Variants in EPN2 observed in about 807,000 individuals in gnomAD.
EPN2 encodes epsin-2.
EPN2 carries 34 observed loss-of-function variants against 61.7 expected under a neutral mutation model. The ratio of observed to expected loss-of-function variants is 0.55; its 90% CI spans 0.42 to 0.73. The LOEUF (loss-of-function observed/expected upper bound fraction) is 0.73. Among genes scored for constraint, EPN2 ranks in the 30% least tolerant of loss-of-function variants. The pLI, the probability that EPN2 is intolerant of heterozygous loss-of-function variation, is 0.00. For missense variants in EPN2, 714 were observed against 839.2 expected (o/e 0.85, Z 1.84); for synonymous variants, 349 against 353.6 (o/e 0.99, Z 0.15).
intron 4 of EPN2, among the ~76,000 whole-genome samples, chr17:19,300,093 C>T (rs1905406824): frequency 6.6e-6 from 1 of 152,206 alleles, no homozygotes; most frequent in Non-Finnish European, 1.5e-5. Context: ...TGCCACCTAG[C>T]TGCCCCATGG....
intron 7 of EPN2, among the ~76,000 whole-genome samples, chr17:19,326,049 G>T (rs1172432540): frequency 1.3e-5 from 2 of 152,120 alleles, no homozygotes; most frequent in East Asian, 3.8e-4. Flanking sequence ...TACAAAAGTT[G>T]TACAAATATC....
In EPN2 at chr17:19,335,389, CTTTT is replaced by C. The variant is rs780936813; in HGVS notation, c.*1140_*1143del. On this transcript the variant is annotated 3_prime_UTR_variant, in exon 11 of 11. Transcript: ENST00000314728. Reference sequence around the variant, plus strand: ...CTCACCAATTTTTATCAACTAATTCCTTTTTTTTATTAAAGGCATGCAGGGATTA... The same window carrying C: ...CTCACCAATTTTTATCAACTAATTCCTTTTATTAAAGGCATGCAGGGATTA... The C allele has an allele frequency of 6.5e-7, 1 of 1,544,272 alleles. No homozygotes were observed. Among genetic ancestry groups the C allele is most frequent in the Non-Finnish European group, 8.7e-7 (1 of 1,143,504 alleles).
chr17:19,253,401 A>G, intron 1 of EPN2, among the ~76,000 whole-genome samples: 1 of 146,066 alleles, frequency 6.8e-6, no homozygotes, highest in East Asian at 2.0e-4. Flanking sequence ...TGGCTATTGT[A>G]AATAGTTGCT....
chr17:19,332,287 C>T (rs1002293287), intron 10 of EPN2, among the ~76,000 whole-genome samples: 1 of 152,024 alleles, frequency 6.6e-6, no homozygotes, highest in Admixed American at 6.6e-5. Flanking sequence ...TAGCTCCTCT[C>T]CTCTCAGTTG....
intron 1 of EPN2, among the ~76,000 whole-genome samples, chr17:19,247,360 C>G (rs2044964375): frequency 6.6e-6 from 1 of 152,028 alleles, no homozygotes; most frequent in Non-Finnish European, 1.5e-5. Flanking sequence ...GAGACAGAAG[C>G]TAGCAGTTTG....
At chr17:19,249,050 G>A (rs1322278476) in intron 1 of EPN2, among the ~76,000 whole-genome samples, 1 of 152,230 alleles carries the variant, frequency 6.6e-6, no homozygotes, top group Non-Finnish European at 1.5e-5. Flanking sequence ...AGGCCCAGCT[G>A]CCTGCTGACC....
At chr17:19,305,040 T>G (rs1338856283) in intron 4 of EPN2, among the ~76,000 whole-genome samples, 1 of 152,146 alleles carries the variant, frequency 6.6e-6, no homozygotes, top group Non-Finnish European at 1.5e-5. Context: ...ACCAGTGCAG[T>G]CATGCTGCCC....
chr17:19,284,268 A>T (rs1468512410), intron 3 of EPN2, among the ~76,000 whole-genome samples: 1 of 152,180 alleles, frequency 6.6e-6, no homozygotes, highest in Non-Finnish European at 1.5e-5. Context: ...GTTGCTAGTG[A>T]TCTGGTTGCA....
intron 1 of EPN2, among the ~76,000 whole-genome samples, chr17:19,239,135 C>T (rs117432708): frequency 6.6e-6 from 1 of 152,238 alleles, no homozygotes; most frequent in African/African-American, 2.4e-5. Flanking sequence ...GGAAGCGCAC[C>T]TAAACTTTTA....
chr17:19,243,107 C>T (rs1411553300), intron 1 of EPN2, among the ~76,000 whole-genome samples: 3 of 152,136 alleles, frequency 2.0e-5, no homozygotes, highest in Non-Finnish European at 4.4e-5. Flanking sequence ...AATAGACTAG[C>T]CTTGTTTCTC....
Position 19,278,453 on chromosome 17 carries a change from A to G in EPN2, c.-293-3502A>G, listed in dbSNP as rs117578228. Among the ~76,000 whole-genome samples, 993 of 152,344 alleles carry G rather than the reference A, an allele frequency of 6.5e-3. 53 individuals are homozygous for G. In the East Asian group the frequency reaches 0.12, roughly 18 times the overall value. On this transcript the variant is annotated intron_variant, in intron 1 of 10. Transcript: ENST00000314728. ...AACAAGAGAAAAATGAGGAAGAAGCAAAAATGCAAACCCCTGATAAACCCA... is the reference window on the plus strand; with the variant it reads ...AACAAGAGAAAAATGAGGAAGAAGCGAAAATGCAAACCCCTGATAAACCCA...
intron 4 of EPN2, among the ~76,000 whole-genome samples, chr17:19,308,897 G>T (rs1188650101): frequency 6.6e-6 from 1 of 152,118 alleles, no homozygotes; most frequent in Non-Finnish European, 1.5e-5. Flanking sequence ...ACTCCCGTGG[G>T]GTTTGTTACA....
chr17:19,332,343 G>A (rs759772229), intron 10 of EPN2, among the ~76,000 whole-genome samples: 1 of 152,118 alleles, frequency 6.6e-6, no homozygotes, highest in African/African-American at 2.4e-5. Flanking sequence ...CCCCCCAGTT[G>A]TGAGACCCTC....
chr17:19,327,380 G>A (rs537979294), intron 7 of EPN2, among the ~76,000 whole-genome samples: 19 of 152,202 alleles, frequency 1.2e-4, no homozygotes, highest in Non-Finnish European at 2.5e-4. Context: ...TATAAAGTTC[G>A]GAAAATAGGG....
chr17:19,305,478 T>C (rs1905792958), intron 4 of EPN2, among the ~76,000 whole-genome samples: 1 of 152,210 alleles, frequency 6.6e-6, no homozygotes, highest in Non-Finnish European at 1.5e-5. Flanking sequence ...GACCTATCCA[T>C]GCAGATTAGA....
rs1219002308 is a variant in EPN2, at chr17:19,261,413, CT to C, written c.-293-20540del. Among the ~76,000 whole-genome samples, 3 of 152,284 alleles carry C rather than the reference CT, an allele frequency of 2.0e-5. No individual in the cohort carries two copies. The East Asian group carries it at 5.8e-4, about 29-fold the overall frequency. The stretch of plus-strand genomic sequence containing the variant: ...CTGTGGACAGTTCTTCGATTTTTCT[CT>C]TGGGTTATTGGTTTTTTCTCAATTT... On this transcript the variant is annotated intron_variant, in intron 1 of 10. Transcript: ENST00000314728.
At chr17:19,273,750 T>C (rs6587198) in intron 1 of EPN2, among the ~76,000 whole-genome samples, 5,111 of 152,338 alleles carry the variant, frequency 0.034, 349 homozygotes, top group South Asian at 0.2. Flanking sequence ...ATTTTTTGGC[T>C]GAATCTCACT....
At chr17:19,309,748 T>C in intron 4 of EPN2, 137 bp from the exon 5 acceptor site, 1 of 678,894 alleles carries the variant, frequency 1.5e-6, no homozygotes, top group Non-Finnish European at 2.7e-6. Flanking sequence ...TTTCCTTTCC[T>C]CTGCCTGCAT....
chr17:19,247,634 T>C (rs565070296), intron 1 of EPN2, among the ~76,000 whole-genome samples: 1 of 152,274 alleles, frequency 6.6e-6, no homozygotes, highest in Non-Finnish European at 1.5e-5. Context: ...AGCAGTGAGC[T>C]CCCAGGTGGC....
Sources: gnomAD v4.1 joint callset for allele counts (sites outside exome capture counted in the v4.1 genomes callset) on GRCh38, gnomAD v4.1.1 for gene constraint, MANE v1.5 for transcripts, NCBI Gene and HGNC (gene_info 2026-07-23, HGNC 2026-07-21) for gene names.